MPZL3: variants seen among roughly 807,000 people sequenced by gnomAD.
The protein encoded by MPZL3 is myelin protein zero like 3.
A neutral mutation model predicts 24.8 loss-of-function variants in MPZL3; 23 were observed. The ratio of observed to expected loss-of-function variants is 0.93; its 90% CI spans 0.67 to 1.31. The LOEUF (loss-of-function observed/expected upper bound fraction) is 1.31, where lower values mean the gene tolerates loss of function less well. Ranked by LOEUF, MPZL3 falls within the 40% of genes most tolerant of loss-of-function variation. The pLI, the probability that MPZL3 is intolerant of heterozygous loss-of-function variation, is 0.00. For synonymous variants in MPZL3, 99 were observed against 106.5 expected, an observed-to-expected ratio of 0.93 and a Z score of 0.44; for missense variants, 277 against 294.9, an observed-to-expected ratio of 0.94 and a Z score of 0.44.
intron 1 of MPZL3, among the ~76,000 whole-genome samples, chr11:118,251,111 GTGTGTGTGAA>G (rs1301411803): frequency 6.8e-6 from 1 of 146,222 alleles, no homozygotes; most frequent in Non-Finnish European, 1.5e-5. Context: ...GTGTGTGTGT[GTGTGTGTGAA>G]AGAGAGAGAG....
chr11:118,237,325 G>A (rs938276954), intron 2 of MPZL3, 65 bp from the exon 3 acceptor site: 2 of 1,430,640 alleles, frequency 1.4e-6, no homozygotes, highest in African/African-American at 1.4e-5. Flanking sequence ...ATAAAGCTCA[G>A]TAGGTCCAAA....
intron 2 of MPZL3, 145 bp downstream of exon 2, chr11:118,240,066 T>C (rs757369324): frequency 8.3e-6 from 6 of 722,542 alleles, no homozygotes; most frequent in Non-Finnish European, 1.2e-5. Flanking sequence ...GAATGTCATA[T>C]AGGATAAAAG....
At chr11:118,244,780 TA>T in intron 1 of MPZL3, among the ~76,000 whole-genome samples, 1 of 152,268 alleles carries the variant, frequency 6.6e-6, no homozygotes, top group South Asian at 2.1e-4. Flanking sequence ...TCTGCATTCT[TA>T]AAAGATCACT....
intron 1 of MPZL3, 38 bp downstream of exon 1, chr11:118,252,184 C>T: frequency 1.9e-6 from 3 of 1,610,206 alleles, no homozygotes; most frequent in South Asian, 2.2e-5. Flanking sequence ...CCCTAACCCC[C>T]CGGCCGGAAG....
chr11:118,227,505 G>C lies in MPZL3; in HGVS notation c.*2389C>G, dbSNP rs1293456948. 2 of 152,168 alleles carry C rather than the reference G, an allele frequency of 1.3e-5. No homozygotes were observed. Among genetic ancestry groups the C allele is most frequent in the Non-Finnish European group, 2.9e-5 (2 of 68,038 alleles). 9.4% of individuals were successfully genotyped at this position (152,168 alleles called of 1,614,324 possible). ...AGCTGTAACCCAAATCTCAGTATAAGGGATGAAGAAGGAAAATGATAGCAG... is the reference window on the plus strand; with the variant it reads ...AGCTGTAACCCAAATCTCAGTATAACGGATGAAGAAGGAAAATGATAGCAG... On this transcript the variant is annotated 3_prime_UTR_variant, in exon 6 of 6. Transcript: ENST00000278949.
At position 118,228,242 on chromosome 11, in the gene MPZL3, AAG is replaced by A. The variant is rs956918975; in HGVS notation, c.*1650_*1651del. 1 of 152,206 alleles carries A rather than the reference AAG, an allele frequency of 6.6e-6. No individual in the cohort carries two copies. The allele number at this position is 152,206 out of a possible 1,614,324, so 9.4% of individuals were successfully genotyped here. On this transcript the variant is annotated 3_prime_UTR_variant, in exon 6 of 6. Coordinates refer to ENST00000278949, the MANE Select transcript of MPZL3 (RefSeq NM_198275.3). ...AAATTAAGTCTTCAAAAAAAAAAGA[AAG>A]AAGTTGAGAGAGAGAAAAGTGATTT...
At chr11:118,237,580 A>G (rs555744810) in intron 2 of MPZL3, among the ~76,000 whole-genome samples, 65 of 152,238 alleles carry the variant, frequency 4.3e-4, no homozygotes, top group African/African-American at 1.6e-3. Flanking sequence ...GATTGTCACA[A>G]CTGGGGAGAT....
In MPZL3 at chr11:118,228,865, A is replaced by C. The variant is rs1051860192; in HGVS notation, c.*1029T>G. 1 of 152,228 alleles carries C rather than the reference A, an allele frequency of 6.6e-6. No homozygotes were observed. The highest frequency in any genetic ancestry group is 6.5e-5 in the Admixed American group (1 of 15,282). The allele number at this position is 152,228 out of a possible 1,614,324, so 9.4% of individuals were successfully genotyped here. ...AATAACAGGCCAAGCACAGTGGCTC[A>C]TGCCTGTAATCCCAACACTTTGGGA... is the stretch of plus-strand genomic sequence containing the variant. On this transcript the variant is annotated 3_prime_UTR_variant, in exon 6 of 6. Transcript: ENST00000278949.
intron 5 of MPZL3, among the ~76,000 whole-genome samples, chr11:118,230,816 C>T (rs1012278908): frequency 5.9e-5 from 9 of 152,162 alleles, no homozygotes; most frequent in Non-Finnish European, 8.8e-5. Context: ...CTTATACACT[C>T]TCCCTGTCTT....
At position 118,228,495 on chromosome 11, in the gene MPZL3, T is replaced by C. The variant is rs1949301911; in HGVS notation, c.*1399A>G. ...ACTATACATATGCCTTAATGGCTTA[T>C]AAAAAATCCTATGTAAATTAACATT... On this transcript the variant is annotated 3_prime_UTR_variant, in exon 6 of 6. Transcript: ENST00000278949. The C allele has an allele frequency of 6.6e-6, 1 of 152,220 alleles. No individual in the cohort carries two copies. Among genetic ancestry groups the C allele is most frequent in the African/African-American group, 2.4e-5 (1 of 41,464 alleles). 9.4% of individuals were successfully genotyped at this position (152,220 alleles called of 1,614,324 possible).
chr11:118,233,150 T>C (rs1004352827), intron 5 of MPZL3, among the ~76,000 whole-genome samples: 2 of 152,166 alleles, frequency 1.3e-5, no homozygotes, highest in African/African-American at 4.8e-5. Context: ...CGAAGTCTCC[T>C]AGTATGAATT....
intron 1 of MPZL3, among the ~76,000 whole-genome samples, chr11:118,245,410 CCATT>C (rs68001644): frequency 0.67 from 102,347 of 151,812 alleles, 34,925 homozygotes; most frequent in South Asian, 0.81. Flanking sequence ...CTACGATAGT[CCATT>C]AAGAAAGAAG....
intron 1 of MPZL3, among the ~76,000 whole-genome samples, chr11:118,248,070 C>CTTTTTTT (rs60335848): frequency 4.1e-4 from 41 of 98,986 alleles, no homozygotes; most frequent in East Asian, 7.3e-4. Flanking sequence ...ACAGTTTCCT[C>CTTTTTTT]TTTTTTTTTT....
At chr11:118,251,440 T>C (rs950868070) in intron 1 of MPZL3, among the ~76,000 whole-genome samples, 3 of 151,974 alleles carry the variant, frequency 2.0e-5, no homozygotes, top group Non-Finnish European at 2.9e-5. Context: ...GATATACTAA[T>C]ATTTTATTTC....
At chr11:118,245,906 T>G (rs2134714332) in intron 1 of MPZL3, among the ~76,000 whole-genome samples, 1 of 152,356 alleles carries the variant, frequency 6.6e-6, no homozygotes, top group Non-Finnish European at 1.5e-5. Flanking sequence ...ATTGAATAGT[T>G]GCCCCCAGAG....
intron 1 of MPZL3, among the ~76,000 whole-genome samples, chr11:118,250,168 A>ATTTTTTTTTTTTTTTTTTTT (rs71041823): frequency 1.9e-5 from 2 of 104,260 alleles, no homozygotes; most frequent in Non-Finnish European, 1.8e-5. Flanking sequence ...CACCTGGCTA[A>ATTTTTTTTTTTTTTTTTTTT]TTTTTTTTTT....
chr11:118,236,235 C>T (rs912522202), intron 3 of MPZL3, among the ~76,000 whole-genome samples: 1 of 151,972 alleles, frequency 6.6e-6, no homozygotes, highest in African/African-American at 2.4e-5. Flanking sequence ...ATGTGCTCAT[C>T]TTTGAAACCT....
chr11:118,240,209 ACTGATACTGTGTGG>A lies in MPZL3; in HGVS notation c.228_240+1del, dbSNP rs771217077. 1.3e-5 allele frequency: 20 copies of A among 1,556,550 alleles called. No homozygotes were observed. The South Asian group carries it at 2.4e-4, about 19-fold the overall frequency. Reference sequence around the variant, plus strand: ...GAACATTCCGAAAAAGTACACACTTACTGATACTGTGTGGCTGCTGCTGGGAGGGCGATATGTCC... The same window carrying A: ...GAACATTCCGAAAAAGTACACACTTACTGCTGCTGGGAGGGCGATATGTCC... On this transcript the variant is annotated splice_donor_variant and coding_sequence_variant, in exon 2 of 6. Transcript: ENST00000278949.
chr11:118,250,186 T>A (rs2134720169), intron 1 of MPZL3, among the ~76,000 whole-genome samples: 1 of 147,222 alleles, frequency 6.8e-6, no homozygotes, highest in African/African-American at 2.5e-5. Flanking sequence ...TTTTTTTTTT[T>A]TTTTTTTTTG....
Sources: allele counts gnomAD v4.1 joint callset (sites outside exome capture counted in the v4.1 genomes callset), GRCh38; gene constraint gnomAD v4.1.1; transcripts MANE v1.5; gene names NCBI Gene and HGNC (gene_info 2026-07-23, HGNC 2026-07-21).